PDE4D: variants seen among roughly 807,000 people sequenced by gnomAD.
The protein encoded by PDE4D is phosphodiesterase 4D, also known as 3',5'-cyclic-AMP phosphodiesterase 4D.
PDE4D carries 24 observed loss-of-function variants against 87.4 expected under a neutral mutation model. The ratio of observed to expected loss-of-function variants is 0.27; its 90% confidence interval spans 0.20 to 0.39. The LOEUF (loss-of-function observed/expected upper bound fraction) is 0.39, where lower values mean the gene tolerates loss of function less well. Among genes scored for constraint, PDE4D ranks in the 10% least tolerant of loss-of-function variants. PDE4D has a pLI of 1.00. For synonymous variants in PDE4D, 384 were observed against 383.2 expected, an observed-to-expected ratio of 1.00 and a Z score of -0.02; for missense variants, 714 against 1,041.0, an observed-to-expected ratio of 0.69 and a Z score of 4.32.
At position 60,326,616 on chromosome 5, in the gene PDE4D, T is replaced by A. The variant is rs371751835; in HGVS notation, c.-89-140929A>T. Reference sequence around the variant, plus strand: ...TCCATCAGGTACATAATGTTTCTTATGACTTTTTATCTCATTTAGAACTAC... The same window carrying A: ...TCCATCAGGTACATAATGTTTCTTAAGACTTTTTATCTCATTTAGAACTAC... On this transcript the variant is annotated intron_variant, in intron 1 of 16. Coordinates refer to the PDE4D transcript ENST00000502484. Among the ~76,000 whole-genome samples the A allele has an allele frequency of 4.1e-4, 62 of 152,190 alleles. 1 individual carries two copies. The highest frequency in any genetic ancestry group is 1.5e-3 in the African/African-American group (61 of 41,568).
rs374008690 is a variant in PDE4D, at chr5:59,795,833, G to A, written c.455+97335C>T. Among the ~76,000 whole-genome samples the A allele has an allele frequency of 5.9e-5, 9 of 152,236 alleles. No homozygotes were observed. The East Asian group carries it at 9.7e-4, about 16-fold the overall frequency. On this transcript the variant is annotated intron_variant, in intron 1 of 14. Transcript: ENST00000340635. The stretch of plus-strand genomic sequence containing the variant: ...AAATAGGGTCTTTAGAGAGGTAATC[G>A]AGTTAAAATAAGGTCATTAGAGTGG...
At chr5:60,004,136 T>C (rs927935398) in intron 2 of PDE4D, among the ~76,000 whole-genome samples, 7 of 152,160 alleles carry the variant, frequency 4.6e-5, no homozygotes, top group African/African-American at 1.2e-4. Context: ...ATACCAAAAG[T>C]GTAGGCAACA....
chr5:59,700,619 C>A (rs1355462946), intron 1 of PDE4D, among the ~76,000 whole-genome samples: 1 of 152,174 alleles, frequency 6.6e-6, no homozygotes, highest in Non-Finnish European at 1.5e-5. Context: ...TATTTACATG[C>A]TAGATTTCCC....
At chr5:60,063,157 G>GAAAGAAGGAAA (rs1771666218) in intron 2 of PDE4D, among the ~76,000 whole-genome samples, 1 of 95,424 alleles carries the variant, frequency 1.0e-5, no homozygotes, top group Non-Finnish European at 2.2e-5. Flanking sequence ...AAAGAAAGAA[G>GAAAGAAGGAAA]GAAAGAAAGA....
At chr5:59,281,247 T>G (rs1370396210) in intron 1 of PDE4D, among the ~76,000 whole-genome samples, 1 of 152,150 alleles carries the variant, frequency 6.6e-6, no homozygotes, top group African/African-American at 2.4e-5. Context: ...GTCATTGACC[T>G]TTTCTCTTCC....
chr5:59,079,848 GGGAGAGGAGA>G lies in PDE4D; in HGVS notation c.809-40887_809-40878del, dbSNP rs36226812. On this transcript the variant is annotated intron_variant, in intron 5 of 14. Transcript: ENST00000340635. ...AGGAAAGGAAAGGAGGGGAGAGGAG[GGGAGAGGAGA>G]GGAGAGGAGAGGAGAGGAGAGGAGA... 1.3e-3 allele frequency among the ~76,000 whole-genome samples: 124 copies of G among 97,972 alleles called. 1 individual carries two copies. The highest frequency in any genetic ancestry group is 5.7e-3 in the Middle Eastern group (1 of 176). The allele number at this position is 97,972 out of a possible 152,430, so 64.3% of individuals were successfully genotyped here.
intron 1 of PDE4D, among the ~76,000 whole-genome samples, chr5:59,885,159 T>C (rs2152748869): frequency 6.6e-6 from 1 of 152,226 alleles, no homozygotes; most frequent in Admixed American, 6.5e-5. Flanking sequence ...GGCCTTATTC[T>C]TGACCATTTA....
intron 1 of PDE4D, among the ~76,000 whole-genome samples, chr5:59,594,703 TAGTTAAAGGCAAAGAACAC>T (rs1464416613): frequency 6.6e-6 from 1 of 151,932 alleles, no homozygotes; most frequent in Non-Finnish European, 1.5e-5. Context: ...TTACAATGCA[TAGTTAAAGGCAAAGAACAC>T]AGTTTAAAGA....
intron 6 of PDE4D, among the ~76,000 whole-genome samples, chr5:59,036,698 GAAAT>G (rs760151748): frequency 3.9e-5 from 6 of 152,068 alleles, no homozygotes; most frequent in Non-Finnish European, 7.4e-5. Flanking sequence ...CACTGATTTA[GAAAT>G]AAATAAGTTA....
At chr5:59,471,555 G>A (rs1297632810) in intron 1 of PDE4D, among the ~76,000 whole-genome samples, 1 of 152,186 alleles carries the variant, frequency 6.6e-6, no homozygotes, top group African/African-American at 2.4e-5. Flanking sequence ...CCACAAAGCA[G>A]CACAAATAGC....
chr5:59,290,541 C>T (rs562252922), intron 1 of PDE4D, among the ~76,000 whole-genome samples: 76 of 152,006 alleles, frequency 5.0e-4, no homozygotes, highest in African/African-American at 1.8e-3. Context: ...TAATACCCTA[C>T]AAGCATAGGC....
chr5:59,820,487 G>A (rs755305088), intron 1 of PDE4D, among the ~76,000 whole-genome samples: 1 of 152,186 alleles, frequency 6.6e-6, no homozygotes, highest in Non-Finnish European at 1.5e-5. Context: ...GAAGGAATCA[G>A]ACAGAGCTTA....
chr5:59,289,576 G>A (rs1767624602), intron 1 of PDE4D, among the ~76,000 whole-genome samples: 2 of 151,878 alleles, frequency 1.3e-5, no homozygotes, highest in Non-Finnish European at 2.9e-5. Context: ...CTCACAGCTG[G>A]TATCATACTG....
At chr5:59,940,999 T>G (rs1757118200) in intron 3 of PDE4D, among the ~76,000 whole-genome samples, 1 of 152,194 alleles carries the variant, frequency 6.6e-6, no homozygotes, top group African/African-American at 2.4e-5. Flanking sequence ...CTTTGTGATC[T>G]TTGGTTGGAA....
In PDE4D at chr5:59,762,552, G is replaced by C. The variant is rs1161539524; in HGVS notation, c.455+130616C>G. ...GGTACACATGTGTATATGTGTATAT[G>C]GGTACACATATGTGTATATGTGTAT... On this transcript the variant is annotated intron_variant, in intron 1 of 14. Coordinates refer to ENST00000340635, the MANE Select transcript of PDE4D (RefSeq NM_001104631.2). 7.5e-5 allele frequency among the ~76,000 whole-genome samples: 9 copies of C among 119,416 alleles called. 1 individual carries two copies. In the East Asian group the frequency reaches 2.0e-3, roughly 27 times the overall value. 78.3% of individuals were successfully genotyped at this position (119,416 alleles called of 152,430 possible).
intron 1 of PDE4D, among the ~76,000 whole-genome samples, chr5:59,705,875 G>C (rs1296854893): frequency 1.3e-5 from 2 of 152,112 alleles, no homozygotes; most frequent in African/African-American, 4.8e-5. Flanking sequence ...GTGGATTATA[G>C]CACAATGTTA....
chr5:60,154,465 G>A (rs1161111228), intron 2 of PDE4D, among the ~76,000 whole-genome samples: 5 of 151,936 alleles, frequency 3.3e-5, no homozygotes, highest in Admixed American at 6.6e-5. Context: ...TAGTAGAGAC[G>A]GGGTTGCACC....
intron 1 of PDE4D, among the ~76,000 whole-genome samples, chr5:60,355,684 T>C (rs1201408376): frequency 6.6e-6 from 1 of 152,040 alleles, no homozygotes; most frequent in Non-Finnish European, 1.5e-5. Context: ...AACACGTATT[T>C]TGTATATTAT....
chr5:60,367,595 A>T (rs552374221), intron 1 of PDE4D, among the ~76,000 whole-genome samples: 2 of 152,242 alleles, frequency 1.3e-5, no homozygotes, highest in South Asian at 4.2e-4. Context: ...AGTCATACTA[A>T]TCTGAAATTT....
Sources: allele counts gnomAD v4.1 joint callset (sites outside exome capture counted in the v4.1 genomes callset), GRCh38; gene constraint gnomAD v4.1.1; transcripts MANE v1.5; gene names NCBI Gene and HGNC (gene_info 2026-07-23, HGNC 2026-07-21).